Variants in UGT2A1 observed in about 807,000 individuals in gnomAD.
The protein encoded by UGT2A1 is UDP-glucuronosyltransferase 2A1.
UGT2A1 carries 61 observed loss-of-function variants against 45.4 expected under a neutral mutation model. That is an observed-to-expected ratio of 1.34 (90% CI 1.09 to 1.66). The LOEUF (loss-of-function observed/expected upper bound fraction) is 1.66. UGT2A1 is among the 40% of genes most tolerant of loss of function. The pLI is 0.00. For missense variants in UGT2A1, 649 were observed against 574.3 expected, an observed-to-expected ratio of 1.13 and a Z score of -1.33; for synonymous variants, 229 against 196.2, an observed-to-expected ratio of 1.17 and a Z score of -1.40.
In UGT2A1 at chr4:69,589,360, C is replaced by CTTTTTCTTGACCTATTCTCTT; in HGVS notation, c.1575_*11dup. On this transcript the variant is annotated 3_prime_UTR_variant, in exon 7 of 7. Coordinates refer to ENST00000286604, the MANE Select transcript of UGT2A1 (RefSeq NM_001252275.3). ...AAACTTAAAAATATATATATTTCCT[C>CTTTTTCTTGACCTATTCTCTT]TTTTTCTTGACCTATTCTCTTTTTT... The CTTTTTCTTGACCTATTCTCTT allele has an allele frequency of 1.3e-6, 2 of 1,598,590 alleles. No individual in the cohort carries two copies. Among genetic ancestry groups the CTTTTTCTTGACCTATTCTCTT allele is most frequent in the Non-Finnish European group, 1.7e-6 (2 of 1,173,022 alleles).
chr4:69,611,066 A>G (rs1720006267), intron 3 of UGT2A1, among the ~76,000 whole-genome samples: 1 of 152,154 alleles, frequency 6.6e-6, no homozygotes, highest in African/African-American at 2.4e-5. Context: ...ATTTAGCAGA[A>G]TAGGCAAATA....
intron 3 of UGT2A1, among the ~76,000 whole-genome samples, chr4:69,619,426 A>ATAAAC: frequency 6.6e-6 from 1 of 151,298 alleles, no homozygotes; most frequent in African/African-American, 2.4e-5. Flanking sequence ...AATACATAAA[A>ATAAAC]TAAAATAAAA....
chr4:69,644,781 T>A (rs1722183324), intron 2 of UGT2A1, among the ~76,000 whole-genome samples: 1 of 151,832 alleles, frequency 6.6e-6, no homozygotes, highest in Non-Finnish European at 1.5e-5. Context: ...ACTTTTGCTA[T>A]CAGTGCTAAT....
At chr4:69,605,741 A>G (rs2109904061) in intron 3 of UGT2A1, among the ~76,000 whole-genome samples, 1 of 137,172 alleles carries the variant, frequency 7.3e-6, no homozygotes, top group Non-Finnish European at 1.6e-5. Context: ...TAAAGGGGAT[A>G]TCACCACCGA....
chr4:69,650,078 CT>C (rs1368834094), intron 1 of UGT2A1, among the ~76,000 whole-genome samples: 1 of 152,124 alleles, frequency 6.6e-6, no homozygotes, highest in African/African-American at 2.4e-5. Context: ...CTTGGGCCCC[CT>C]CTCTGCTGTG....
intron 3 of UGT2A1, among the ~76,000 whole-genome samples, chr4:69,634,869 A>G (rs1270175936): frequency 1.3e-5 from 2 of 152,156 alleles, no homozygotes; most frequent in African/African-American, 4.8e-5. Flanking sequence ...CAAAATGCCC[A>G]TTACCCTCAT....
intron 2 of UGT2A1, chr4:69,639,674 C>A (rs771363709): frequency 1.3e-6 from 2 of 1,513,276 alleles, no homozygotes; most frequent in Admixed American, 2.4e-5. Context: ...AAAAAAAAAT[C>A]TTCAAAGTAT....
intron 6 of UGT2A1, among the ~76,000 whole-genome samples, chr4:69,593,759 G>A (rs1041508155): frequency 4.0e-5 from 6 of 151,322 alleles, no homozygotes; most frequent in African/African-American, 7.3e-5. Context: ...TAAAGGTATC[G>A]AATGGTATAT....
At chr4:69,626,495 A>G (rs1000083863) in intron 3 of UGT2A1, among the ~76,000 whole-genome samples, 4 of 151,622 alleles carry the variant, frequency 2.6e-5, no homozygotes, top group Non-Finnish European at 5.9e-5. Context: ...TCAGTATTCC[A>G]AAAAACAAAA....
chr4:69,608,295 T>C (rs1178610467), intron 3 of UGT2A1, among the ~76,000 whole-genome samples: 2 of 149,866 alleles, frequency 1.3e-5, no homozygotes, highest in Non-Finnish European at 3.0e-5. Context: ...CTGGAAACCA[T>C]CATTCTCAGC....
At chr4:69,617,239 ACTTT>A (rs1246067826) in intron 3 of UGT2A1, among the ~76,000 whole-genome samples, 3 of 151,928 alleles carry the variant, frequency 2.0e-5, no homozygotes, top group African/African-American at 7.2e-5. Context: ...CTCACTTGAG[ACTTT>A]CTTTTTCTTC....
chr4:69,643,332 A>AT (rs1236209618), intron 2 of UGT2A1, among the ~76,000 whole-genome samples: 1 of 151,708 alleles, frequency 6.6e-6, no homozygotes, highest in African/African-American at 2.4e-5. Flanking sequence ...TGCACCTGAA[A>AT]TTTAAAAAGA....
intron 3 of UGT2A1, among the ~76,000 whole-genome samples, chr4:69,622,239 T>C (rs909182874): frequency 4.0e-5 from 6 of 151,656 alleles, no homozygotes; most frequent in Admixed American, 4.0e-4. Context: ...TTATGAATAC[T>C]TACCAAAACA....
At chr4:69,596,839 G>C (rs956691144) in intron 4 of UGT2A1, among the ~76,000 whole-genome samples, 1 of 152,136 alleles carries the variant, frequency 6.6e-6, no homozygotes, top group Non-Finnish European at 1.5e-5. Context: ...GTCTCCTTAA[G>C]AGGAAACACG....
At chr4:69,598,126 A>G (rs1343085925) in intron 4 of UGT2A1, among the ~76,000 whole-genome samples, 1 of 152,146 alleles carries the variant, frequency 6.6e-6, no homozygotes, top group South Asian at 2.1e-4. Flanking sequence ...ATTATTTCCT[A>G]TAATAAACAT....
At chr4:69,639,449 T>A (rs768153839) in intron 2 of UGT2A1, 1 of 1,613,194 alleles carries the variant, frequency 6.2e-7, no homozygotes, top group East Asian at 2.2e-5. Flanking sequence ...GAGTTGCTGA[T>A]GAAGCCAGTA....
chr4:69,639,318 G>T, intron 2 of UGT2A1: 2 of 1,613,628 alleles, frequency 1.2e-6, no homozygotes, highest in Non-Finnish European at 1.7e-6. Context: ...GAGAGGAGTT[G>T]GTCTATGGTC....
rs1343405544 is a variant in UGT2A1 at position 69,603,174 on chromosome 4, A to T, written c.848-3780T>A. ...TGTAGAACTTTATATGTGATTCTAA[A>T]ATCCATACGGAAAAGCAAAGAGCCA... On this transcript the variant is annotated intron_variant, in intron 3 of 6. Coordinates refer to ENST00000286604, the MANE Select transcript of UGT2A1 (RefSeq NM_001252275.3). 1.5e-5 allele frequency among the ~76,000 whole-genome samples: 2 copies of T among 137,492 alleles called. 1 individual carries two copies. The highest frequency in any genetic ancestry group is 3.1e-5 in the Non-Finnish European group (2 of 64,448). 90.2% of individuals were successfully genotyped at this position (137,492 alleles called of 152,430 possible).
At chr4:69,618,890 C>A (rs1481186607) in intron 3 of UGT2A1, among the ~76,000 whole-genome samples, 3 of 151,712 alleles carry the variant, frequency 2.0e-5, no homozygotes, top group Non-Finnish European at 4.4e-5. Context: ...AAATTTTCTA[C>A]TCAACATTGA....
Sources: allele counts gnomAD v4.1 joint callset (sites outside exome capture counted in the v4.1 genomes callset), GRCh38; gene constraint gnomAD v4.1.1; transcripts MANE v1.5; gene names NCBI Gene and HGNC (gene_info 2026-07-23, HGNC 2026-07-21).